Variants in EGFR observed in about 807,000 individuals in gnomAD.
EGFR encodes the protein avian erythroblastic leukemia viral (v-erb-b) oncogene homolog.
A neutral mutation model predicts 143.0 loss-of-function variants in EGFR; 58 were observed. The ratio of observed to expected loss-of-function variants is 0.41; its 90% CI spans 0.33 to 0.50. EGFR has a LOEUF of 0.50. Ranked by LOEUF, EGFR falls within the 20% of genes least tolerant of loss-of-function variation. The probability of loss-of-function intolerance (pLI) is 0.39; values close to 1 mark genes in which losing one functional copy is unlikely to be tolerated. For synonymous variants in EGFR, 613 were observed against 594.4 expected, an observed-to-expected ratio of 1.03 and a Z score of -0.45; for missense variants, 1,307 against 1,579.0, an observed-to-expected ratio of 0.83 and a Z score of 2.92.
Position 55,161,517 on chromosome 7 carries a change from G to A in EGFR, c.1517G>A (p.Cys506Tyr), listed in dbSNP as rs2128942726. 1 of 1,614,188 alleles carries A rather than the reference G, an allele frequency of 6.2e-7. No individual in the cohort carries two copies. Among genetic ancestry groups the A allele is most frequent in the Non-Finnish European group, 8.5e-7 (1 of 1,180,050 alleles). The change falls in exon 13 of 28, where the codon TGC becomes TAC. Residue 506 changes from cysteine to tyrosine, a missense_variant. By Grantham distance (194) the Cys-to-Tyr change is radical (BLOSUM62 -2). This residue lies in a region of EGFR where 250 missense variants were observed against 295.1 expected (regional missense o/e 0.85). Coordinates refer to ENST00000275493, the MANE Select transcript of EGFR (RefSeq NM_005228.5). ...TCCGCAGAGGCCACAGGCCAGGTCTGCCATGCCTTGTGCTCCCCCGAGGGC... is the reference window on the plus strand; with the variant it reads ...TCCGCAGAGGCCACAGGCCAGGTCTACCATGCCTTGTGCTCCCCCGAGGGC... ...ENSCKATGQV[C>Y]HALCSPEGCW...
intron 1 of EGFR, among the ~76,000 whole-genome samples, chr7:55,056,140 A>G (rs1484432100): frequency 6.6e-6 from 1 of 152,190 alleles, no homozygotes; most frequent in East Asian, 1.9e-4. Flanking sequence ...GTGAGGGAAG[A>G]TTGAATGAAA....
At chr7:55,192,352 A>G (rs368010605) in intron 21 of EGFR, among the ~76,000 whole-genome samples, 1 of 152,186 alleles carries the variant, frequency 6.6e-6, no homozygotes, top group East Asian at 1.9e-4. Context: ...GGACCCTCAC[A>G]GCACTAAGGG....
At chr7:55,136,745 C>T (rs1028697136) in intron 1 of EGFR, among the ~76,000 whole-genome samples, 11 of 152,274 alleles carry the variant, frequency 7.2e-5, no homozygotes, top group South Asian at 2.1e-4. Context: ...TACTTTCTTG[C>T]GATGCCAGGC....
intron 1 of EGFR, among the ~76,000 whole-genome samples, chr7:55,080,385 G>A (rs939513174): frequency 4.0e-5 from 6 of 150,888 alleles, no homozygotes; most frequent in Admixed American, 6.6e-5. Flanking sequence ...AAAAAAAGAA[G>A]GAAATCCTGT....
At chr7:55,125,829 G>T (rs1367775066) in intron 1 of EGFR, among the ~76,000 whole-genome samples, 1 of 152,154 alleles carries the variant, frequency 6.6e-6, no homozygotes, top group Non-Finnish European at 1.5e-5. Context: ...AAAAGCAGAG[G>T]CATTCTTAAA....
chr7:55,047,234 G>A (rs1054955577), intron 1 of EGFR, among the ~76,000 whole-genome samples: 2 of 152,216 alleles, frequency 1.3e-5, no homozygotes, highest in Non-Finnish European at 2.9e-5. Flanking sequence ...GCCATTTGCT[G>A]CCTTGAGTGG....
rs1264150477 is a variant in EGFR at position 55,209,136 on chromosome 7, A to G, written c.*3519A>G. On this transcript the variant is annotated 3_prime_UTR_variant, in exon 28 of 28. Transcript: ENST00000275493. ...TGGAGCTTCAAAAGAAGGGGCCTGG[A>G]GTCTCTGCAGACCAATTCAACCCAA... 6.6e-6 allele frequency: 1 copy of G among 151,750 alleles called. No homozygotes were observed. Among genetic ancestry groups the G allele is most frequent in the African/African-American group, 2.4e-5 (1 of 41,268 alleles). The allele number at this position is 151,750 out of a possible 1,614,324, so 9.4% of individuals were successfully genotyped here. A position where few individuals can be genotyped will look rare whatever the true frequency, so the allele number is the denominator to read the frequency against.
chr7:55,198,568 C>T, intron 22 of EGFR, 149 bp from the exon 23 acceptor site: 5 of 1,183,440 alleles, frequency 4.2e-6, no homozygotes, highest in Non-Finnish European at 4.9e-6. Flanking sequence ...TAGACTGAGG[C>T]TTCCAGCATT....
intron 1 of EGFR, among the ~76,000 whole-genome samples, chr7:55,085,782 C>T (rs1317724259): frequency 6.6e-6 from 1 of 152,150 alleles, no homozygotes; most frequent in Non-Finnish European, 1.5e-5. Flanking sequence ...AGGTATTTTA[C>T]ACATTAAATC....
In EGFR at chr7:55,190,507, T is replaced by C. The variant is rs144253622; in HGVS notation, c.2470-1212T>C. 1.2e-3 allele frequency among the ~76,000 whole-genome samples: 181 copies of C among 151,886 alleles called. 1 individual carries two copies. Among genetic ancestry groups the C allele is most frequent in the African/African-American group, 4.4e-3 (180 of 41,378 alleles). Reference sequence around the variant, plus strand: ...AATTCAACAAATCATTTTCACATAATATTCATGCAAAAAAAAAACAATTTG... The same window carrying C: ...AATTCAACAAATCATTTTCACATAACATTCATGCAAAAAAAAAACAATTTG... On this transcript the variant is annotated intron_variant, in intron 20 of 27. Coordinates refer to ENST00000275493, the MANE Select transcript of EGFR (RefSeq NM_005228.5).
At chr7:55,022,540 T>C (rs1312617125) in intron 1 of EGFR, among the ~76,000 whole-genome samples, 1 of 152,224 alleles carries the variant, frequency 6.6e-6, no homozygotes, top group East Asian at 1.9e-4. Context: ...TCTGAGCTGT[T>C]GTTTCTGAAT....
At chr7:55,185,705 A>T (rs1787102902) in intron 20 of EGFR, among the ~76,000 whole-genome samples, 1 of 152,226 alleles carries the variant, frequency 6.6e-6, no homozygotes, top group African/African-American at 2.4e-5. Context: ...ATCAGTTTAC[A>T]GTCCTGAGGC....
At chr7:55,024,128 G>T (rs1157341840) in intron 1 of EGFR, among the ~76,000 whole-genome samples, 1 of 152,202 alleles carries the variant, frequency 6.6e-6, no homozygotes, top group Non-Finnish European at 1.5e-5. Flanking sequence ...TGTCTAGAAA[G>T]TTCCCTGAGC....
chr7:55,036,518 C>T (rs890852928), intron 1 of EGFR, among the ~76,000 whole-genome samples: 2 of 152,056 alleles, frequency 1.3e-5, no homozygotes, highest in Non-Finnish European at 2.9e-5. Flanking sequence ...TTATATAAAT[C>T]TTAAAAATAT....
chr7:55,031,202 T>C (rs1207218147), intron 1 of EGFR, among the ~76,000 whole-genome samples: 2 of 152,314 alleles, frequency 1.3e-5, no homozygotes, highest in East Asian at 1.9e-4. Flanking sequence ...GGAGAACACA[T>C]CGATTTTTCA....
chr7:55,181,339 T>C lies in EGFR; in HGVS notation c.2330T>C (p.Leu777Pro), dbSNP rs2128958552. The change falls in exon 20 of 28, where the codon CTG (leucine) becomes CCG (proline). Residue 777 changes from leucine (L) to proline (P), a missense_variant. Leu to Pro is a moderately conservative substitution (Grantham distance 98). This residue lies in a region of EGFR where 348 missense variants were observed against 451.5 expected (regional missense o/e 0.77). Coordinates refer to ENST00000275493, the MANE Select transcript of EGFR (RefSeq NM_005228.5). ...ASVDNPHVCR[L>P]LGICLTSTVQ... ...GTGGACAACCCCCACGTGTGCCGCC[T>C]GCTGGGCATCTGCCTCACCTCCACC... The C allele has an allele frequency of 6.2e-7, 1 of 1,614,212 alleles. No individual in the cohort carries two copies. The highest frequency in any genetic ancestry group is 1.1e-5 in the South Asian group (1 of 91,086).
chr7:55,034,414 T>C lies in EGFR; in HGVS notation c.88+15049T>C, dbSNP rs1583873896. Among the ~76,000 whole-genome samples the C allele has an allele frequency of 2.0e-5, 3 of 152,094 alleles. No individual in the cohort carries two copies. In the South Asian group the frequency reaches 6.2e-4, roughly 32 times the overall value. ...ACACCTGACTAATTTTTGTATGTTT[T>C]GTAGAGACAGGGTTTCACCATGTTG... On this transcript the variant is annotated intron_variant, in intron 1 of 27. Coordinates refer to ENST00000275493, the MANE Select transcript of EGFR (RefSeq NM_005228.5).
intron 19 of EGFR, chr7:55,180,615 C>T (rs1380542626): frequency 1.3e-5 from 2 of 155,996 alleles, no homozygotes; most frequent in African/African-American, 4.8e-5. Flanking sequence ...AGATTGAATG[C>T]TCTGTCCATT....
chr7:55,033,042 T>C (rs777380229), intron 1 of EGFR, among the ~76,000 whole-genome samples: 3 of 152,230 alleles, frequency 2.0e-5, no homozygotes, highest in Non-Finnish European at 4.4e-5. Context: ...AAAATTGTCA[T>C]GTCTATGAAT....
Sources: gnomAD v4.1 joint callset for allele counts (sites outside exome capture counted in the v4.1 genomes callset) on GRCh38, gnomAD v4.1.1 for gene constraint, gnomAD v4.1.1 regional missense constraint, MANE v1.5 for transcripts, NCBI Gene and HGNC (gene_info 2026-07-23, HGNC 2026-07-21) for gene names.